The following GSTO2 variants were observed in gnomAD, a reference collection of about 807,000 sequenced individuals.
The protein encoded by GSTO2 is glutathione S-transferase omega 2.
GSTO2 carries 23 observed loss-of-function variants against 28.4 expected under a neutral mutation model. The ratio of observed to expected loss-of-function variants is 0.81; its 90% confidence interval spans 0.58 to 1.15. The LOEUF (loss-of-function observed/expected upper bound fraction) is 1.15, where lower values mean the gene tolerates loss of function less well. Among genes scored for constraint, GSTO2 ranks in the 50% most tolerant of loss-of-function variants. The probability of loss-of-function intolerance (pLI) is 0.00; values close to 1 mark genes in which losing one functional copy is unlikely to be tolerated. For synonymous variants in GSTO2, 109 were observed against 111.0 expected (o/e 0.98, Z 0.11); for missense variants, 298 against 297.8 (o/e 1.00, Z 0.00).
intron 4 of GSTO2, 97 bp from the exon 5 acceptor site, chr10:104,279,273 T>G: frequency 1.0e-6 from 1 of 972,556 alleles, no homozygotes. Context: ...GTTGCCCTGT[T>G]AGGCTGGAGT....
At position 104,304,327 on chromosome 10, in the gene GSTO2, T is replaced by C. The variant is rs1009085337; in HGVS notation, c.*5043T>C. The C allele has an allele frequency of 6.6e-6, 1 of 152,222 alleles. No individual in the cohort carries two copies. Among genetic ancestry groups the C allele is most frequent in the Non-Finnish European group, 1.5e-5 (1 of 68,052 alleles). The allele number at this position is 152,222 out of a possible 1,614,324, so 9.4% of individuals were successfully genotyped here. A position where few individuals can be genotyped will look rare whatever the true frequency, so the allele number is the denominator to read the frequency against. On this transcript the variant is annotated 3_prime_UTR_variant, in exon 7 of 7. Coordinates refer to ENST00000338595, the MANE Select transcript of GSTO2 (RefSeq NM_183239.2). ...CTTTGAAAATGCCATTTCCTCTACA[T>C]ACTATTCTTCCTCAGAGCAGCCCTC...
At chr10:104,276,342 A>G (rs1361894261) in intron 3 of GSTO2, among the ~76,000 whole-genome samples, 2 of 152,292 alleles carry the variant, frequency 1.3e-5, no homozygotes, top group Admixed American at 6.5e-5. Flanking sequence ...TGTTTTGCCC[A>G]TTTGGTGATA....
intron 5 of GSTO2, among the ~76,000 whole-genome samples, chr10:104,290,532 A>G (rs369179576): frequency 6.6e-5 from 10 of 152,142 alleles, no homozygotes; most frequent in African/African-American, 2.2e-4. Flanking sequence ...AAGAAAATAT[A>G]GTACATATAC....
Position 104,300,800 on chromosome 10 carries a change from G to A in GSTO2, c.*1516G>A, listed in dbSNP as rs2013236035. On this transcript the variant is annotated 3_prime_UTR_variant, in exon 7 of 7. Transcript: ENST00000338595. ...GTTTTGCCTTGTCTGTGCTCCCTAA[G>A]GAGCTGTCTGCCACCTCTGCCTCTG... is the stretch of plus-strand genomic sequence containing the variant. 2 of 152,312 alleles carry A rather than the reference G, an allele frequency of 1.3e-5. No individual in the cohort carries two copies. The highest frequency in any genetic ancestry group is 1.3e-4 in the Admixed American group (2 of 15,282). 9.4% of individuals were successfully genotyped at this position (152,312 alleles called of 1,614,324 possible).
At chr10:104,278,934 A>G (rs2011826287) in intron 4 of GSTO2, among the ~76,000 whole-genome samples, 2 of 152,230 alleles carry the variant, frequency 1.3e-5, no homozygotes, top group Non-Finnish European at 2.9e-5. Context: ...AATGATATTA[A>G]CAGCTGACAT....
intron 1 of GSTO2, among the ~76,000 whole-genome samples, chr10:104,270,015 CTTTT>C (rs762585008): frequency 7.1e-6 from 1 of 141,708 alleles, no homozygotes; most frequent in Non-Finnish European, 1.5e-5. Context: ...TAGTATCTAC[CTTTT>C]TTTTTTTTTT....
At chr10:104,270,123 C>G (rs1302387056) in intron 1 of GSTO2, among the ~76,000 whole-genome samples, 1 of 152,106 alleles carries the variant, frequency 6.6e-6, no homozygotes, top group Non-Finnish European at 1.5e-5. Flanking sequence ...ACGCCATTCT[C>G]CTGCCTCAGC....
At position 104,299,392 on chromosome 10, in the gene GSTO2, C is replaced by T; in HGVS notation, c.*108C>T. 1 of 1,278,208 alleles carries T rather than the reference C, an allele frequency of 7.8e-7. No individual in the cohort carries two copies. The highest frequency in any genetic ancestry group is 2.3e-5 in the East Asian group (1 of 42,796). The allele number at this position is 1,278,208 out of a possible 1,614,324, so 79.2% of individuals were successfully genotyped here. ...GTCTCTCTTTCTTTTCTTTGAAGTTCCCAATAAAATGAAAACAGGAAATGT... is the reference window on the plus strand; with the variant it reads ...GTCTCTCTTTCTTTTCTTTGAAGTTTCCAATAAAATGAAAACAGGAAATGT... On this transcript the variant is annotated 3_prime_UTR_variant, in exon 7 of 7. Transcript: ENST00000338595.
intron 3 of GSTO2, among the ~76,000 whole-genome samples, chr10:104,276,673 T>G (rs1281773900): frequency 1.3e-5 from 2 of 152,212 alleles, no homozygotes; most frequent in Non-Finnish European, 2.9e-5. Flanking sequence ...GGTCTTGCTA[T>G]GTGGCCTATG....
At chr10:104,289,946 G>A (rs963539432) in intron 5 of GSTO2, among the ~76,000 whole-genome samples, 1 of 152,200 alleles carries the variant, frequency 6.6e-6, no homozygotes, top group Non-Finnish European at 1.5e-5. Context: ...ATACTGGTGA[G>A]GATGTGGAGA....
At chr10:104,299,013 G>A in intron 6 of GSTO2, 115 bp from the exon 7 acceptor site, 1 of 926,850 alleles carries the variant, frequency 1.1e-6, no homozygotes. Context: ...AGATAACTAA[G>A]ATAACTTCCC....
At chr10:104,296,414 G>A (rs1336036605) in intron 5 of GSTO2, 1 of 151,982 alleles carries the variant, frequency 6.6e-6, no homozygotes, top group African/African-American at 2.4e-5. Flanking sequence ...CTTGAGCTCA[G>A]GAGTTTGAGA....
intron 4 of GSTO2, 101 bp from the exon 5 acceptor site, chr10:104,279,269 C>T: frequency 4.3e-6 from 4 of 924,900 alleles, no homozygotes; most frequent in Non-Finnish European, 6.8e-6. Flanking sequence ...GGGTGTTGCC[C>T]TGTTAGGCTG....
intron 5 of GSTO2, among the ~76,000 whole-genome samples, chr10:104,284,622 C>T (rs2012304185): frequency 6.6e-6 from 1 of 152,208 alleles, no homozygotes; most frequent in South Asian, 2.1e-4. Context: ...AAGCAGCACA[C>T]ATTTTTTAGT....
At chr10:104,297,762 C>A in intron 6 of GSTO2, 78 bp downstream of exon 6, 1 of 929,174 alleles carries the variant, frequency 1.1e-6, no homozygotes. Flanking sequence ...TGCATGCCCC[C>A]TGTAGACATG....
chr10:104,279,983 C>G (rs1464842858), intron 5 of GSTO2, among the ~76,000 whole-genome samples: 1 of 151,888 alleles, frequency 6.6e-6, no homozygotes, highest in Non-Finnish European at 1.5e-5. Flanking sequence ...GGCAACATAG[C>G]AAGACCCCTC....
intron 5 of GSTO2, among the ~76,000 whole-genome samples, chr10:104,288,036 C>T (rs561145729): frequency 4.0e-5 from 6 of 151,750 alleles, no homozygotes; most frequent in African/African-American, 1.5e-4. Flanking sequence ...TACAGGCACC[C>T]GCCACCACGC....
chr10:104,270,203 C>T (rs894247249), intron 1 of GSTO2, among the ~76,000 whole-genome samples: 1 of 151,390 alleles, frequency 6.6e-6, no homozygotes, highest in Admixed American at 6.6e-5. Flanking sequence ...TTAGTAGAGA[C>T]GGGGTTTCAC....
In GSTO2 at chr10:104,279,445, C is replaced by T. The variant is rs772656686; in HGVS notation, c.442C>T (p.Arg148Cys). The change falls in exon 5 of 7, where the codon CGT becomes TGT. Residue 148 changes from arginine to cysteine, a missense_variant. By Grantham distance (180) the Arg-to-Cys change is radical. Transcript: ENST00000338595. The stretch of plus-strand genomic sequence containing the variant: ...ATGCACTAATCTGAAGGCAGCCCTG[C>T]GTCAGGAATTCAGCAACCTGGAAGA... ...RECTNLKAAL[R>C]QEFSNLEEIL... 2.5e-5 allele frequency: 41 copies of T among 1,613,852 alleles called. No homozygotes were observed. Among genetic ancestry groups the T allele is most frequent in the Middle Eastern group, 1.6e-4 (1 of 6,082 alleles).
Sources: allele counts gnomAD v4.1 joint callset (sites outside exome capture counted in the v4.1 genomes callset), GRCh38; gene constraint gnomAD v4.1.1; transcripts MANE v1.5; gene names NCBI Gene and HGNC (gene_info 2026-07-23, HGNC 2026-07-21).